The following DHRSX variants were observed in gnomAD, a reference collection of about 807,000 sequenced individuals.
The protein encoded by DHRSX is dehydrogenase/reductase X-linked, also known as polyprenol dehydrogenase.
DHRSX carries 31 observed loss-of-function variants against 34.0 expected under a neutral mutation model. The ratio of observed to expected loss-of-function variants is 0.91; its 90% CI spans 0.69 to 1.23. DHRSX has a LOEUF of 1.23. Ranked by LOEUF, DHRSX falls within the 50% of genes most tolerant of loss-of-function variation. The pLI is 0.00. For missense variants in DHRSX, 414 were observed against 428.1 expected (o/e 0.97, Z 0.29); for synonymous variants, 201 against 183.8 (o/e 1.09, Z -0.76).
chrX:2,256,488 G>T (rs1218676605), intron 5 of DHRSX, among the ~76,000 whole-genome samples: 3 of 152,014 alleles, frequency 2.0e-5, no homozygotes, highest in African/African-American at 7.2e-5. Flanking sequence ...TAGAGACGGG[G>T]TTTCCCCATG....
rs2015505500 is a variant in DHRSX at position 2,220,929 on chromosome X, C to A, written c.*112G>T. On this transcript the variant is annotated 3_prime_UTR_variant, in exon 7 of 7. Transcript: ENST00000334651. ...GCTGTCTCAAAACTAGAGGACAGAG[C>A]CCTGTGGGCAGGTGGGTGTGAGAAA... The A allele has an allele frequency of 2.0e-6, 2 of 1,002,232 alleles. No homozygotes were observed. The highest frequency in any genetic ancestry group is 2.5e-5 in the Admixed American group (1 of 39,934). 62.1% of individuals were successfully genotyped at this position (1,002,232 alleles called of 1,614,324 possible).
chrX:2,228,470 GAGGGAGGAAGGAAGGAAGGA>G (rs2015786009), intron 6 of DHRSX, among the ~76,000 whole-genome samples: 2 of 71,742 alleles, frequency 2.8e-5, no homozygotes, highest in African/African-American at 7.4e-5. Context: ...GGGAGGGAGG[GAGGGAGGAAGGAAGGAAGGA>G]AGGGAGGAAG....
Position 2,304,696 on chromosome X carries a change from T to C in DHRSX, c.287-13093A>G, listed in dbSNP as rs760096737. Among the ~76,000 whole-genome samples, 11 of 152,238 alleles carry C rather than the reference T, an allele frequency of 7.2e-5. No individual in the cohort carries two copies. The East Asian group carries it at 1.2e-3, about 16-fold the overall frequency. ...TCCACTATGATTATGCATTTCCTCA[T>C]GCCTCCCTAGAAGCAGAAGCTGCTC... On this transcript the variant is annotated intron_variant, in intron 3 of 6. Transcript: ENST00000334651.
intron 3 of DHRSX, among the ~76,000 whole-genome samples, chrX:2,306,520 G>A (rs991665585): frequency 6.7e-6 from 1 of 150,250 alleles, no homozygotes; most frequent in Non-Finnish European, 1.5e-5. Flanking sequence ...GGAGCGCAGT[G>A]GTGCGATCTT....
Position 2,393,833 on chromosome X carries a change from C to CCT in DHRSX, c.286+14910_286+14911dup, listed in dbSNP as rs761039667. ...ACGACACACAGGGACCTCCCCGTCT[C>CCT]CTGCACACACGACACACAGGGACCT... On this transcript the variant is annotated intron_variant, in intron 3 of 6. Transcript: ENST00000334651. 2.2e-3 allele frequency among the ~76,000 whole-genome samples: 171 copies of CCT among 77,488 alleles called. 40 individuals carry two copies. The highest frequency in any genetic ancestry group is 0.014 in the East Asian group (34 of 2,374). 50.8% of individuals were successfully genotyped at this position (77,488 alleles called of 152,430 possible). A position where few individuals can be genotyped will look rare whatever the true frequency, so the allele number is the denominator to read the frequency against.
intron 1 of DHRSX, among the ~76,000 whole-genome samples, chrX:2,445,285 T>C (rs1271044522): frequency 6.6e-6 from 1 of 152,152 alleles, no homozygotes; most frequent in East Asian, 1.9e-4. Context: ...AGGTGGGCTT[T>C]CCCAGGAACT....
chrX:2,295,777 A>C (rs1329864509), intron 3 of DHRSX, among the ~76,000 whole-genome samples: 1 of 152,180 alleles, frequency 6.6e-6, no homozygotes, highest in Non-Finnish European at 1.5e-5. Context: ...CAGTAGAATA[A>C]TAAAAGAGGG....
intron 5 of DHRSX, among the ~76,000 whole-genome samples, chrX:2,258,032 GACAC>G (rs1569480723): frequency 6.6e-6 from 1 of 152,020 alleles, no homozygotes; most frequent in Non-Finnish European, 1.5e-5. Context: ...TGAGGACACA[GACAC>G]ACACAGAGGG....
At chrX:2,448,473 A>C (rs1454636639) in intron 1 of DHRSX, among the ~76,000 whole-genome samples, 3 of 150,906 alleles carry the variant, frequency 2.0e-5, no homozygotes, top group Admixed American at 6.6e-5. Context: ...ACATATTCTG[A>C]CCACAAAAAA....
At chrX:2,231,802 CCT>C (rs1223041556) in intron 6 of DHRSX, among the ~76,000 whole-genome samples, 105 of 120,480 alleles carry the variant, frequency 8.7e-4, no homozygotes, top group Middle Eastern at 4.0e-3. Flanking sequence ...TCTCTCTATC[CCT>C]CTCTCTCCCT....
chrX:2,469,215 T>C (rs1478839655), intron 1 of DHRSX, among the ~76,000 whole-genome samples: 1 of 149,586 alleles, frequency 6.7e-6, no homozygotes, highest in African/African-American at 2.5e-5. Flanking sequence ...ACTCGTTCCC[T>C]AGGCATGTGG....
intron 3 of DHRSX, among the ~76,000 whole-genome samples, chrX:2,363,465 T>C (rs2042960450): frequency 6.8e-6 from 1 of 146,338 alleles, no homozygotes; most frequent in Non-Finnish European, 1.5e-5. Context: ...TTTATCACTG[T>C]TCTATGGTAT....
intron 5 of DHRSX, among the ~76,000 whole-genome samples, chrX:2,266,353 CCAGTG>C (rs2041471265): frequency 6.8e-6 from 1 of 147,074 alleles, no homozygotes; most frequent in Non-Finnish European, 1.5e-5. Flanking sequence ...CCCCAGAGCA[CCAGTG>C]CTCGGCAGAT....
At chrX:2,342,353 GTC>G (rs1489399231) in intron 3 of DHRSX, among the ~76,000 whole-genome samples, 1 of 152,018 alleles carries the variant, frequency 6.6e-6, no homozygotes, top group African/African-American at 2.4e-5. Flanking sequence ...CACTCCTTGT[GTC>G]TCTGAGTCAC....
intron 1 of DHRSX, among the ~76,000 whole-genome samples, chrX:2,480,636 A>G (rs773772252): frequency 1.3e-5 from 2 of 152,102 alleles, no homozygotes; most frequent in South Asian, 4.2e-4. Flanking sequence ...TGAGCAACAT[A>G]GCAAGACCCC....
At position 2,450,108 on chromosome X, in the gene DHRSX, T is replaced by G. The variant is rs757362521; in HGVS notation, c.110-24804A>C. On this transcript the variant is annotated intron_variant, in intron 1 of 6. Transcript: ENST00000334651. ...TGTTTCTCCACCCAGGACAAATAAG[T>G]GCATTCCAATTAGTGCCTCAAAAAA... Among the ~76,000 whole-genome samples the G allele has an allele frequency of 5.3e-5, 8 of 150,284 alleles. No homozygotes were observed. The South Asian group carries it at 1.1e-3, about 20-fold the overall frequency.
intron 6 of DHRSX, among the ~76,000 whole-genome samples, chrX:2,221,730 C>T (rs2015525596): frequency 6.6e-5 from 10 of 152,196 alleles, no homozygotes; most frequent in Admixed American, 5.9e-4. Flanking sequence ...TGGAAACAGA[C>T]GTTTCAAAAA....
chrX:2,338,515 C>T (rs1030953090), intron 3 of DHRSX, among the ~76,000 whole-genome samples: 2 of 151,788 alleles, frequency 1.3e-5, no homozygotes, highest in African/African-American at 2.4e-5. Context: ...GTTTGAGCAA[C>T]GGACGATGGA....
chrX:2,403,267 C>G (rs989745975), intron 3 of DHRSX, among the ~76,000 whole-genome samples: 5 of 152,160 alleles, frequency 3.3e-5, no homozygotes, highest in South Asian at 2.1e-4. Flanking sequence ...CTTACTCATT[C>G]TATCTAAAGT....
Sources: allele counts gnomAD v4.1 joint callset (sites outside exome capture counted in the v4.1 genomes callset), GRCh38; gene constraint gnomAD v4.1.1; transcripts MANE v1.5; gene names NCBI Gene and HGNC (gene_info 2026-07-23, HGNC 2026-07-21).